Variants in CENPQ observed in about 807,000 individuals in gnomAD.
The protein encoded by CENPQ is chromosome 6 open reading frame 139.
A neutral mutation model predicts 36.6 loss-of-function variants in CENPQ; 27 were observed. That is an observed-to-expected ratio of 0.74 (90% CI 0.54 to 1.02). The LOEUF is 1.02. Ranked by LOEUF, CENPQ falls within the 50% of genes least tolerant of loss-of-function variation. CENPQ has a pLI of 0.00. For missense variants in CENPQ, 306 were observed against 301.8 expected, an observed-to-expected ratio of 1.01 and a Z score of -0.10; for synonymous variants, 101 against 101.7, an observed-to-expected ratio of 0.99 and a Z score of 0.04.
intron 6 of CENPQ, among the ~76,000 whole-genome samples, chr6:49,487,896 C>T (rs1425674462): frequency 5.9e-5 from 9 of 152,012 alleles, no homozygotes; most frequent in African/African-American, 2.4e-5. Context: ...CTCTAATGCC[C>T]AACATTACTT....
chr6:49,487,339 CTTTTG>C (rs1768610678), intron 6 of CENPQ, among the ~76,000 whole-genome samples: 1 of 150,346 alleles, frequency 6.7e-6, no homozygotes, highest in Admixed American at 6.7e-5. Flanking sequence ...GTTGCATATC[CTTTTG>C]TTTTGTTGAG....
At chr6:49,483,094 TG>T (rs1161896243) in intron 6 of CENPQ, among the ~76,000 whole-genome samples, 1 of 151,952 alleles carries the variant, frequency 6.6e-6, no homozygotes, top group Non-Finnish European at 1.5e-5. Context: ...TAGAGCCGAG[TG>T]GTCTGTTTTG....
In CENPQ at chr6:49,470,994, A is replaced by C. The variant is rs530931777; in HGVS notation, c.123A>C (p.Lys41Asn). ...SENKVRNTVK[K>N]NKNHLKDLSS... The stretch of plus-strand genomic sequence containing the variant: ...TCTAGGTTAGAAACACAGTGAAAAA[A>C]AATAAAAATCATCTGAAAGATCTGT... The change falls in exon 3 of 9, where the codon AAA (lysine) becomes AAC (asparagine). Residue 41 changes from lysine to asparagine, a missense_variant. Physicochemically the swap from Lys to Asn is moderately conservative, Grantham distance 94. Transcript: ENST00000335783. The C allele has an allele frequency of 2.6e-6, 4 of 1,534,462 alleles. No individual in the cohort carries two copies. The East Asian group carries it at 9.3e-5, about 36-fold the overall frequency.
chr6:49,472,052 A>G lies in CENPQ; in HGVS notation c.158-11A>G, dbSNP rs1424601619. 6.2e-7 allele frequency: 1 copy of G among 1,606,972 alleles called. No individual in the cohort carries two copies. Among genetic ancestry groups the G allele is most frequent in the Admixed American group, 1.7e-5 (1 of 58,622 alleles). ...TAGATTGATCAGAGCCTCTTCTATT[A>G]CTAACGACAGGACAAACAAAGCACA... On this transcript the variant is annotated splice_polypyrimidine_tract_variant and intron_variant, in intron 3 of 8. Coordinates refer to ENST00000335783, the MANE Select transcript of CENPQ (RefSeq NM_018132.4).
Position 49,469,288 on chromosome 6 carries a change from T to C in CENPQ, c.-18-871T>C, listed in dbSNP as rs151262727. 6.8e-3 allele frequency among the ~76,000 whole-genome samples: 1,041 copies of C among 152,342 alleles called. 10 individuals carry two copies. Among genetic ancestry groups the C allele is most frequent in the African/African-American group, 0.022 (918 of 41,592 alleles). ...GAAAATAAATGATGAATAATTTATC[T>C]GTATATCTAGCTATGGCTAATATGT... On this transcript the variant is annotated intron_variant, in intron 1 of 8. Coordinates refer to ENST00000335783, the MANE Select transcript of CENPQ (RefSeq NM_018132.4).
intron 5 of CENPQ, 46 bp from the exon 6 acceptor site, chr6:49,480,905 A>G (rs1768410605): frequency 1.5e-6 from 2 of 1,365,544 alleles, no homozygotes; most frequent in Non-Finnish European, 2.0e-6. Context: ...AAATAATAAT[A>G]GTACTCAAAA....
chr6:49,489,623 C>T (rs1311747917), intron 8 of CENPQ, among the ~76,000 whole-genome samples: 2 of 152,128 alleles, frequency 1.3e-5, no homozygotes, highest in African/African-American at 4.8e-5. Flanking sequence ...TGCCCAGATC[C>T]ATCAGAGAAA....
intron 2 of CENPQ, among the ~76,000 whole-genome samples, chr6:49,470,653 G>A (rs1159218513): frequency 4.0e-5 from 6 of 149,814 alleles, no homozygotes; most frequent in Non-Finnish European, 7.4e-5. Flanking sequence ...AAAAGTTTCA[G>A]GTTTTACCCT....
chr6:49,463,678 C>G (rs1462570129), intron 1 of CENPQ, among the ~76,000 whole-genome samples: 1 of 152,126 alleles, frequency 6.6e-6, no homozygotes, highest in African/African-American at 2.4e-5. Context: ...CCTATTTCTC[C>G]CGAATCATCC....
intron 5 of CENPQ, among the ~76,000 whole-genome samples, chr6:49,479,485 G>T (rs1011909266): frequency 6.6e-6 from 1 of 152,108 alleles, no homozygotes; most frequent in Non-Finnish European, 1.5e-5. Context: ...AAAAGTAACA[G>T]ATGCTGGGAG....
At chr6:49,468,394 ACC>A in intron 1 of CENPQ, among the ~76,000 whole-genome samples, 1 of 151,720 alleles carries the variant, frequency 6.6e-6, no homozygotes, top group South Asian at 2.1e-4. Context: ...GGAGTTCGAG[ACC>A]GGCCTGAACA....
chr6:49,483,036 G>A (rs1305848148), intron 6 of CENPQ, among the ~76,000 whole-genome samples: 1 of 152,176 alleles, frequency 6.6e-6, no homozygotes, highest in Non-Finnish European at 1.5e-5. Flanking sequence ...GGCTCAGGCA[G>A]CCTGCTTTTA....
intron 6 of CENPQ, among the ~76,000 whole-genome samples, chr6:49,481,894 G>A (rs1768439312): frequency 6.6e-6 from 1 of 152,188 alleles, no homozygotes; most frequent in Non-Finnish European, 1.5e-5. Context: ...TCATCGGGGA[G>A]GCTTGGGCTG....
chr6:49,470,392 A>G (rs1768100674), intron 2 of CENPQ, 114 bp downstream of exon 2: 3 of 552,992 alleles, frequency 5.4e-6, no homozygotes, highest in Admixed American at 3.6e-5. Context: ...TCACGAGGTC[A>G]GGAGATCGAA....
rs547012508 is a variant in CENPQ at position 49,472,471 on chromosome 6, CA to C, written c.278+291del. On this transcript the variant is annotated intron_variant, in intron 4 of 8. Coordinates refer to ENST00000335783, the MANE Select transcript of CENPQ (RefSeq NM_018132.4). Reference sequence around the variant, plus strand: ...AGATTCTTTAGGAAGAAGTTGAGTTCAAAGTGACACTTTACATAGAAGCTAC... The same window carrying C: ...AGATTCTTTAGGAAGAAGTTGAGTTCAAGTGACACTTTACATAGAAGCTAC... Among the ~76,000 whole-genome samples, 564 of 152,104 alleles carry C rather than the reference CA, an allele frequency of 3.7e-3. 1 individual carries two copies. Among genetic ancestry groups the C allele is most frequent in the African/African-American group, 0.013 (543 of 41,498 alleles).
intron 1 of CENPQ, among the ~76,000 whole-genome samples, chr6:49,465,723 T>C (rs973259181): frequency 1.3e-5 from 2 of 152,228 alleles, no homozygotes; most frequent in Non-Finnish European, 2.9e-5. Context: ...TCAGCTTTCA[T>C]AGAATTGAAG....
chr6:49,477,611 G>C (rs1258109130), intron 5 of CENPQ, among the ~76,000 whole-genome samples: 1 of 151,078 alleles, frequency 6.6e-6, no homozygotes, highest in Non-Finnish European at 1.5e-5. Flanking sequence ...TTTCAAGTTT[G>C]CCTAGAAATA....
chr6:49,478,015 G>A (rs539188648), intron 5 of CENPQ, among the ~76,000 whole-genome samples: 59 of 152,294 alleles, frequency 3.9e-4, no homozygotes, highest in African/African-American at 1.2e-3. Context: ...CAGATAGGCA[G>A]TCTCTTTGTC....
At position 49,472,179 on chromosome 6, in the gene CENPQ, A is replaced by G. The variant is rs748254793; in HGVS notation, c.274A>G (p.Ile92Val). 1 of 1,604,872 alleles carries G rather than the reference A, an allele frequency of 6.2e-7. No individual in the cohort carries two copies. The highest frequency in any genetic ancestry group is 8.5e-7 in the Non-Finnish European group (1 of 1,176,136). The change falls in exon 4 of 9, where the codon ATA becomes GTA. Residue 92 changes from isoleucine to valine, a missense_variant. Coordinates refer to ENST00000335783, the MANE Select transcript of CENPQ (RefSeq NM_018132.4). ...DHLQTMMESV[I>V]MTILSNSIKE... ...TTTGCAAACTATGATGGAATCAGTA[A>G]TAATGTGAGTATAAAATTGTTCCAT...
Sources: allele counts gnomAD v4.1 joint callset (sites outside exome capture counted in the v4.1 genomes callset), GRCh38; gene constraint gnomAD v4.1.1; transcripts MANE v1.5; gene names NCBI Gene and HGNC (gene_info 2026-07-23, HGNC 2026-07-21).